Variants in CSF1R observed in about 807,000 individuals in gnomAD.
The protein encoded by CSF1R is macrophage colony-stimulating factor 1 receptor.
Under a neutral mutation model 110.0 loss-of-function variants are expected in CSF1R, and 40 were observed. The observed-to-expected ratio is 0.36, with a 90% CI of 0.28 to 0.47. The LOEUF is 0.47. Ranked by LOEUF, CSF1R falls within the 20% of genes least tolerant of loss-of-function variation. The pLI is 0.99. For synonymous variants in CSF1R, 523 were observed against 503.4 expected, an observed-to-expected ratio of 1.04 and a Z score of -0.52; for missense variants, 1,052 against 1,253.0, an observed-to-expected ratio of 0.84 and a Z score of 2.42.
chr5:150,088,921 CA>C (rs1758949762), upstream of CSF1R, among the ~76,000 whole-genome samples: 2 of 152,178 alleles, frequency 1.3e-5, no homozygotes, highest in Admixed American at 1.3e-4. Context: ...AGTGGTTTAA[CA>C]CATGAAAATC....
At chr5:150,105,382 ATATTTTTT>A (rs1304235216) in intron 1 of CSF1R, among the ~76,000 whole-genome samples, 136 of 82,792 alleles carry the variant, frequency 1.6e-3, no homozygotes, top group African/African-American at 6.0e-3. Context: ...ATATATATAT[ATATTTTTT>A]TTTTTTTAAT....
chr5:150,083,355 C>A (rs1195883125), intron 1 of CSF1R, among the ~76,000 whole-genome samples: 4 of 77,560 alleles, frequency 5.2e-5, no homozygotes, highest in Admixed American at 5.0e-4. Context: ...TCCCAACACA[C>A]ACACACACAC....
intron 1 of CSF1R, among the ~76,000 whole-genome samples, chr5:150,084,979 T>C (rs1561947112): frequency 6.6e-6 from 1 of 151,924 alleles, no homozygotes; most frequent in Non-Finnish European, 1.5e-5. Context: ...TAAGTTACAT[T>C]GCAAAATAAG....
chr5:150,057,184 A>C lies in CSF1R; in HGVS notation c.2319+103T>G, dbSNP rs1561906546. 4 of 925,870 alleles carry C rather than the reference A, an allele frequency of 4.3e-6. No homozygotes were observed. In the African/African-American group the frequency reaches 6.6e-5, roughly 15 times the overall value. 57.4% of individuals were successfully genotyped at this position (925,870 alleles called of 1,614,324 possible). ...TCTCTCATACTCTGTCTCCTCCCCT[A>C]CCCCCTCACAGGCTCCCGTTTCCTC... On this transcript the variant is annotated intron_variant, in intron 16 of 20. Coordinates refer to ENST00000675795, the MANE Select transcript of CSF1R (RefSeq NM_001288705.3).
At chr5:150,085,662 C>G (rs1758810493) in intron 1 of CSF1R, among the ~76,000 whole-genome samples, 2 of 152,070 alleles carry the variant, frequency 1.3e-5, no homozygotes, top group African/African-American at 2.4e-5. Context: ...AATCCCTCCT[C>G]TAGCCCTATA....
intron 1 of CSF1R, among the ~76,000 whole-genome samples, chr5:150,096,519 G>T (rs60778026): frequency 0.024 from 3,595 of 152,196 alleles, 157 homozygotes; most frequent in African/African-American, 0.083. Context: ...ACCACACAAA[G>T]ATATTGCAAG....
rs1757015333 is a variant in CSF1R at position 150,053,450 on chromosome 5, C to A, written c.*619G>T. 1 of 235,616 alleles carries A rather than the reference C, an allele frequency of 4.2e-6. No homozygotes were observed. Among genetic ancestry groups the A allele is most frequent in the Non-Finnish European group, 8.4e-6 (1 of 119,244 alleles). 14.6% of individuals were successfully genotyped at this position (235,616 alleles called of 1,614,324 possible). A position where few individuals can be genotyped will look rare whatever the true frequency, so the allele number is the denominator to read the frequency against. On this transcript the variant is annotated 3_prime_UTR_variant, in exon 21 of 21. Coordinates refer to ENST00000675795, the MANE Select transcript of CSF1R (RefSeq NM_001288705.3). ...TCTAGCCCAGAATGACGGGACTGGG[C>A]AGAACACCCCCAACTTTTAGCTGCC...
chr5:150,055,329 A>T lies in CSF1R; in HGVS notation c.2562T>A (p.Asn854Lys), dbSNP rs690016565. 1.4e-5 allele frequency: 22 copies of T among 1,614,014 alleles called. No individual in the cohort carries two copies. The highest frequency in any genetic ancestry group is 1.2e-4 in the African/African-American group (9 of 74,942). Residue 854 changes from asparagine (N) to lysine (K), a missense_variant, in exon 19 of 21, where the codon AAT becomes AAA. Transcript: ENST00000675795. ...LLWEIFSLGL[N>K]PYPGILVNSK... ...TGTTCACCAGGATGCCAGGGTAGGGATTCAGCCCTGCAAAGGCCAAGATCA... is the reference window on the plus strand; with the variant it reads ...TGTTCACCAGGATGCCAGGGTAGGGTTTCAGCCCTGCAAAGGCCAAGATCA...
intron 1 of CSF1R, among the ~76,000 whole-genome samples, chr5:150,084,069 G>A (rs1274821437): frequency 6.6e-6 from 1 of 152,112 alleles, no homozygotes; most frequent in Non-Finnish European, 1.5e-5. Flanking sequence ...AGGCACAGTG[G>A]CTCATGCCTG....
At chr5:150,072,142 C>T (rs760019435) in intron 6 of CSF1R, among the ~76,000 whole-genome samples, 1 of 152,192 alleles carries the variant, frequency 6.6e-6, no homozygotes, top group African/African-American at 2.4e-5. Flanking sequence ...GTGGCATGCA[C>T]ACCACGTATT....
At chr5:150,111,232 C>T (rs1759708218) in intron 1 of CSF1R, among the ~76,000 whole-genome samples, 1 of 152,172 alleles carries the variant, frequency 6.6e-6, no homozygotes, top group African/African-American at 2.4e-5. Context: ...AGAAATAGCT[C>T]CTTTCAGTCT....
At chr5:150,075,762 C>G (rs1758233740) in intron 5 of CSF1R, among the ~76,000 whole-genome samples, 3 of 152,182 alleles carry the variant, frequency 2.0e-5, no homozygotes, top group Non-Finnish European at 1.5e-5. Context: ...ATAAACATTT[C>G]TTGAGTGATG....
At chr5:150,107,415 G>A (rs548221997) in intron 1 of CSF1R, among the ~76,000 whole-genome samples, 2 of 152,284 alleles carry the variant, frequency 1.3e-5, no homozygotes, top group African/African-American at 4.8e-5. Flanking sequence ...GACTGTTCTG[G>A]TTGATCCATT....
chr5:150,087,353 G>A (rs779305652), upstream of CSF1R, among the ~76,000 whole-genome samples: 2 of 152,190 alleles, frequency 1.3e-5, no homozygotes, highest in Non-Finnish European at 2.9e-5. Context: ...ACATTTACTA[G>A]CCAAACCTTT....
chr5:150,056,448 T>C, intron 16 of CSF1R, 107 bp from the exon 17 acceptor site: 5 of 1,422,156 alleles, frequency 3.5e-6, no homozygotes, highest in Non-Finnish European at 4.8e-6. Flanking sequence ...CCTGCTGGAG[T>C]GAACAACAGT....
At chr5:150,079,474 G>A (rs983498746) in intron 3 of CSF1R, among the ~76,000 whole-genome samples, 2 of 152,188 alleles carry the variant, frequency 1.3e-5, no homozygotes, top group African/African-American at 4.8e-5. Flanking sequence ...TGGCCACCGC[G>A]AGAGCCATCA....
At chr5:150,063,502 GCAC>G (rs1757627437) in intron 10 of CSF1R, among the ~76,000 whole-genome samples, 1 of 151,954 alleles carries the variant, frequency 6.6e-6, no homozygotes. Flanking sequence ...GTGAGCCATC[GCAC>G]CCAGCCTTGA....
chr5:150,076,733 T>C (rs370187277), intron 5 of CSF1R, among the ~76,000 whole-genome samples: 9 of 152,356 alleles, frequency 5.9e-5, no homozygotes, highest in African/African-American at 2.2e-4. Context: ...ATGATCTATG[T>C]TCTCTTTGCC....
chr5:150,065,327 A>G (rs113568248), intron 10 of CSF1R, among the ~76,000 whole-genome samples: 47 of 152,292 alleles, frequency 3.1e-4, no homozygotes, highest in African/African-American at 1.1e-3. Context: ...TCCAGCCCCC[A>G]GAATCGTAGT....
Sources: gnomAD v4.1 joint callset for allele counts (sites outside exome capture counted in the v4.1 genomes callset) on GRCh38, gnomAD v4.1.1 for gene constraint, MANE v1.5 for transcripts, NCBI Gene and HGNC (gene_info 2026-07-23, HGNC 2026-07-21) for gene names.